RUNDC3B: variants seen among roughly 807,000 people sequenced by gnomAD.
RUNDC3B encodes RUN domain-containing protein 3B.
Under a neutral mutation model 58.4 loss-of-function variants are expected in RUNDC3B, and 33 were observed. The ratio of observed to expected loss-of-function variants is 0.56; its 90% CI spans 0.43 to 0.75. The LOEUF (loss-of-function observed/expected upper bound fraction) is 0.75, where lower values mean the gene tolerates loss of function less well. Among genes scored for constraint, RUNDC3B ranks in the 30% least tolerant of loss-of-function variants. The probability of loss-of-function intolerance (pLI) is 0.00; values close to 1 mark genes in which losing one functional copy is unlikely to be tolerated. For missense variants in RUNDC3B, 501 were observed against 535.7 expected (o/e 0.94, Z 0.64); for synonymous variants, 193 against 195.2 (o/e 0.99, Z 0.10).
intron 3 of RUNDC3B, among the ~76,000 whole-genome samples, chr7:87,709,851 A>C (rs1440180700): frequency 6.6e-6 from 1 of 152,220 alleles, no homozygotes; most frequent in Non-Finnish European, 1.5e-5. Context: ...TCTTACTACA[A>C]ATATGATCTC....
At chr7:87,770,092 G>A (rs1203159712) in intron 6 of RUNDC3B, among the ~76,000 whole-genome samples, 2 of 151,856 alleles carry the variant, frequency 1.3e-5, no homozygotes, top group Non-Finnish European at 2.9e-5. Flanking sequence ...TGAACCTGTT[G>A]TTATCTTCTC....
intron 4 of RUNDC3B, among the ~76,000 whole-genome samples, chr7:87,733,563 G>A (rs532922466): frequency 1.3e-5 from 2 of 152,290 alleles, no homozygotes; most frequent in African/African-American, 4.8e-5. Flanking sequence ...ATCTGATAAG[G>A]CAGCGGTCCC....
chr7:87,711,310 G>A (rs1341612691), intron 4 of RUNDC3B, among the ~76,000 whole-genome samples: 1 of 151,880 alleles, frequency 6.6e-6, no homozygotes, highest in East Asian at 1.9e-4. Context: ...TGAGCAACAA[G>A]AGAGAAACTC....
At chr7:87,814,095 TCTTTC>T (rs1836888722) in intron 9 of RUNDC3B, among the ~76,000 whole-genome samples, 1 of 151,792 alleles carries the variant, frequency 6.6e-6, no homozygotes, top group Admixed American at 6.6e-5. Context: ...ATGATTTCTT[TCTTTC>T]CTTTTTTTTT....
At chr7:87,751,401 T>C (rs1336159347) in intron 6 of RUNDC3B, among the ~76,000 whole-genome samples, 3 of 152,354 alleles carry the variant, frequency 2.0e-5, no homozygotes, top group South Asian at 2.1e-4. Context: ...AAGTAGTTTT[T>C]TCCAATTCTG....
chr7:87,823,791 T>TACAC lies in RUNDC3B; in HGVS notation c.1226-6064_1226-6061dup, dbSNP rs113441553. ...TGAGTAGTATTCCATTTCATATATATACACACACACACACACACACACACA... is the reference window on the plus strand; with the variant it reads ...TGAGTAGTATTCCATTTCATATATATACACACACACACACACACACACACACACA... On this transcript the variant is annotated intron_variant, in intron 10 of 10. Transcript: ENST00000394654. Among the ~76,000 whole-genome samples the TACAC allele has an allele frequency of 3.4e-3, 484 of 143,868 alleles. 3 individuals carry two copies. Among genetic ancestry groups the TACAC allele is most frequent in the South Asian group, 9.8e-3 (43 of 4,410 alleles). 94.4% of individuals were successfully genotyped at this position (143,868 alleles called of 152,430 possible).
chr7:87,698,973 A>T (rs887908596), intron 2 of RUNDC3B, among the ~76,000 whole-genome samples: 1 of 152,154 alleles, frequency 6.6e-6, no homozygotes, highest in Non-Finnish European at 1.5e-5. Context: ...CTAGGGGGCG[A>T]TTTTTAAAAA....
At chr7:87,822,518 C>T (rs1010633926) in intron 10 of RUNDC3B, among the ~76,000 whole-genome samples, 1 of 152,188 alleles carries the variant, frequency 6.6e-6, no homozygotes, top group East Asian at 1.9e-4. Context: ...TACCATTTGA[C>T]CCATCCATCC....
At chr7:87,664,141 C>T (rs1007314928) in intron 2 of RUNDC3B, among the ~76,000 whole-genome samples, 3 of 152,002 alleles carry the variant, frequency 2.0e-5, no homozygotes, top group African/African-American at 7.3e-5. Context: ...CTCTGTCATT[C>T]ACTTTTAAAA....
intron 1 of RUNDC3B, among the ~76,000 whole-genome samples, chr7:87,645,086 T>C (rs958587403): frequency 2.7e-5 from 4 of 150,392 alleles, no homozygotes; most frequent in African/African-American, 7.3e-5. Context: ...TCTTTCTTTT[T>C]TTTTTTTTTT....
intron 1 of RUNDC3B, among the ~76,000 whole-genome samples, chr7:87,641,715 A>G (rs1456620693): frequency 6.6e-6 from 1 of 152,204 alleles, no homozygotes; most frequent in Non-Finnish European, 1.5e-5. Context: ...TTTTGAAAAT[A>G]TTTTATGAAA....
At chr7:87,740,773 G>A (rs1832272179) in intron 5 of RUNDC3B, among the ~76,000 whole-genome samples, 1 of 152,148 alleles carries the variant, frequency 6.6e-6, no homozygotes, top group South Asian at 2.1e-4. Flanking sequence ...TAGCTTAATT[G>A]TGGAGGATGA....
chr7:87,771,767 G>A (rs1834299007), intron 7 of RUNDC3B, among the ~76,000 whole-genome samples: 1 of 152,202 alleles, frequency 6.6e-6, no homozygotes, highest in African/African-American at 2.4e-5. Flanking sequence ...GTCATTCAAG[G>A]TGGAAATTGA....
intron 2 of RUNDC3B, among the ~76,000 whole-genome samples, chr7:87,688,831 G>A (rs1334576406): frequency 6.6e-6 from 1 of 151,758 alleles, no homozygotes; most frequent in Non-Finnish European, 1.5e-5. Flanking sequence ...TTTGTTATAG[G>A]TATTTCTGGG....
At position 87,716,290 on chromosome 7, in the gene RUNDC3B, G is replaced by T. The variant is rs1351964682; in HGVS notation, c.458+5635G>T. Among the ~76,000 whole-genome samples the T allele has an allele frequency of 6.6e-5, 10 of 152,118 alleles. 1 individual carries two copies. Among genetic ancestry groups the T allele is most frequent in the Non-Finnish European group, 1.3e-4 (9 of 68,018 alleles). On this transcript the variant is annotated intron_variant, in intron 4 of 10. Transcript: ENST00000394654. ...AAAATGGTTTTCAAGCTTATTCTGAGAATATAGAAAGTTACCAAATAAAAA... is the reference window on the plus strand; with the variant it reads ...AAAATGGTTTTCAAGCTTATTCTGATAATATAGAAAGTTACCAAATAAAAA...
chr7:87,706,539 C>T (rs187063853), intron 3 of RUNDC3B, among the ~76,000 whole-genome samples: 21 of 152,196 alleles, frequency 1.4e-4, no homozygotes, highest in African/African-American at 5.1e-4. Context: ...TGTGAAGTAA[C>T]AAATTTAAGA....
intron 2 of RUNDC3B, among the ~76,000 whole-genome samples, chr7:87,669,633 C>T (rs1276236933): frequency 6.6e-6 from 1 of 152,136 alleles, no homozygotes; most frequent in Non-Finnish European, 1.5e-5. Flanking sequence ...CTATATAGTG[C>T]TCCTTTCAAA....
chr7:87,811,339 ATT>A (rs199840492), intron 9 of RUNDC3B, among the ~76,000 whole-genome samples: 5 of 143,932 alleles, frequency 3.5e-5, no homozygotes, highest in Admixed American at 6.9e-5. Context: ...TAGGCTTTTA[ATT>A]TTTTTTTTTT....
At chr7:87,667,494 C>T (rs1018939271) in intron 2 of RUNDC3B, among the ~76,000 whole-genome samples, 1 of 151,776 alleles carries the variant, frequency 6.6e-6, no homozygotes, top group African/African-American at 2.4e-5. Flanking sequence ...CTTTCTCTTG[C>T]CTGATAGCTC....
Sources: allele counts gnomAD v4.1 joint callset (sites outside exome capture counted in the v4.1 genomes callset), GRCh38; gene constraint gnomAD v4.1.1; transcripts MANE v1.5; gene names NCBI Gene and HGNC (gene_info 2026-07-23, HGNC 2026-07-21).